Variants in KCNK3 observed in about 807,000 individuals in gnomAD.
KCNK3 encodes the protein potassium channel subfamily K member 3.
KCNK3 carries 9 observed loss-of-function variants against 27.3 expected under a neutral mutation model. The ratio of observed to expected loss-of-function variants is 0.33; its 90% confidence interval spans 0.20 to 0.57. KCNK3 has a LOEUF of 0.57. KCNK3 is among the 20% of genes least tolerant of loss of function. The pLI is 0.87. For synonymous variants in KCNK3, 278 were observed against 273.8 expected, an observed-to-expected ratio of 1.02 and a Z score of -0.15; for missense variants, 391 against 577.7, an observed-to-expected ratio of 0.68 and a Z score of 3.31.
intron 1 of KCNK3, among the ~76,000 whole-genome samples, chr2:26,707,099 G>C (rs539964311): frequency 4.9e-4 from 74 of 152,302 alleles, no homozygotes; most frequent in African/African-American, 1.7e-3. Flanking sequence ...CAAGAATAGA[G>C]TTCTGTCAAG....
intron 1 of KCNK3, among the ~76,000 whole-genome samples, chr2:26,715,536 C>T (rs1344926848): frequency 6.6e-6 from 1 of 152,220 alleles, no homozygotes; most frequent in Non-Finnish European, 1.5e-5. Flanking sequence ...TCCCCAAGAT[C>T]CTGGTCTCCT....
chr2:26,706,751 G>C (rs190251167), intron 1 of KCNK3, among the ~76,000 whole-genome samples: 5 of 152,286 alleles, frequency 3.3e-5, no homozygotes, highest in African/African-American at 9.6e-5. Context: ...CTGCTTCCAG[G>C]GGGTGGGCCA....
intron 1 of KCNK3, among the ~76,000 whole-genome samples, chr2:26,706,295 C>G (rs965676049): frequency 6.6e-6 from 1 of 152,124 alleles, no homozygotes; most frequent in Non-Finnish European, 1.5e-5. Context: ...TTTCCCCTCC[C>G]CCCCAGAGGA....
chr2:26,726,291 C>A (rs955545586), intron 1 of KCNK3, among the ~76,000 whole-genome samples: 3 of 152,062 alleles, frequency 2.0e-5, no homozygotes, highest in Non-Finnish European at 4.4e-5. Context: ...CCCTTCCCCC[C>A]AAAGCTAGTG....
intron 1 of KCNK3, among the ~76,000 whole-genome samples, chr2:26,698,732 A>G (rs1411877225): frequency 1.3e-5 from 2 of 151,472 alleles, no homozygotes; most frequent in African/African-American, 4.9e-5. Context: ...CCCACCCCCC[A>G]TCTCCCCGCT....
chr2:26,698,084 G>A (rs1670257778), intron 1 of KCNK3, among the ~76,000 whole-genome samples: 1 of 152,168 alleles, frequency 6.6e-6, no homozygotes, highest in Admixed American at 6.5e-5. Flanking sequence ...TGCCTGCACT[G>A]GTGTTCTCTG....
chr2:26,702,841 C>T (rs924321872), intron 1 of KCNK3, among the ~76,000 whole-genome samples: 1 of 152,044 alleles, frequency 6.6e-6, no homozygotes, highest in African/African-American at 2.4e-5. Context: ...CTGGGTCGGG[C>T]GTGGTGGCTC....
At chr2:26,719,728 G>A (rs540630263) in intron 1 of KCNK3, among the ~76,000 whole-genome samples, 1 of 152,258 alleles carries the variant, frequency 6.6e-6, no homozygotes. Flanking sequence ...TATTTCTCCT[G>A]GCTACATCAC....
intron 1 of KCNK3, among the ~76,000 whole-genome samples, chr2:26,714,170 G>T (rs1408321008): frequency 6.6e-6 from 1 of 151,940 alleles, no homozygotes; most frequent in Non-Finnish European, 1.5e-5. Flanking sequence ...GCCTTGTACT[G>T]GACACTTTAT....
rs540201237 is a variant in KCNK3, at chr2:26,699,523, C to G, written c.283+6365C>G. Among the ~76,000 whole-genome samples the G allele has an allele frequency of 2.6e-5, 4 of 152,352 alleles. No homozygotes were observed. In the South Asian group the frequency reaches 8.3e-4, roughly 32 times the overall value. The stretch of plus-strand genomic sequence containing the variant: ...ATGTAGTGCAAATCACCACTATAAA[C>G]AGCTTTCAGCTGGCTGCACAAACGG... On this transcript the variant is annotated intron_variant, in intron 1 of 1. Coordinates refer to ENST00000302909, the MANE Select transcript of KCNK3 (RefSeq NM_002246.3).
intron 1 of KCNK3, among the ~76,000 whole-genome samples, chr2:26,698,728 C>A (rs1448583222): frequency 6.6e-6 from 1 of 152,158 alleles, no homozygotes; most frequent in Non-Finnish European, 1.5e-5. Context: ...ACTCCCCACC[C>A]CCCATCTCCC....
At position 26,706,298 on chromosome 2, in the gene KCNK3, C is replaced by T. The variant is rs537773957; in HGVS notation, c.283+13140C>T. Among the ~76,000 whole-genome samples the T allele has an allele frequency of 3.7e-4, 57 of 152,244 alleles. No homozygotes were observed. In the East Asian group the frequency reaches 9.3e-3, roughly 25 times the overall value. ...CAGAGAAGGTCGTTTCCCCTCCCCC[C>T]CAGAGGAGGAGCTGGAGAGGGCCTC... On this transcript the variant is annotated intron_variant, in intron 1 of 1. Transcript: ENST00000302909.
intron 1 of KCNK3, among the ~76,000 whole-genome samples, chr2:26,702,268 TGCTGCAG>T (rs1670317467): frequency 1.3e-5 from 2 of 152,212 alleles, no homozygotes; most frequent in African/African-American, 4.8e-5. Flanking sequence ...ACACTCACCC[TGCTGCAG>T]GCTACAGTGT....
At chr2:26,699,212 A>AGAAG (rs1670274825) in intron 1 of KCNK3, among the ~76,000 whole-genome samples, 1 of 105,792 alleles carries the variant, frequency 9.5e-6, no homozygotes, top group South Asian at 2.8e-4. Context: ...AGAGAGAGAA[A>AGAAG]GAAAGAAAGA....
intron 1 of KCNK3, chr2:26,724,541 G>A: frequency 1.0e-6 from 1 of 960,258 alleles, no homozygotes; most frequent in Non-Finnish European, 1.2e-6. Flanking sequence ...TGAGGATTAA[G>A]TTAAAAATAC....
chr2:26,714,326 C>T (rs544966045), intron 1 of KCNK3, among the ~76,000 whole-genome samples: 25 of 150,616 alleles, frequency 1.7e-4, no homozygotes, highest in East Asian at 1.2e-3. Context: ...CAACTGCAGG[C>T]GACACACCCA....
chr2:26,694,273 C>G (rs1203298213), intron 1 of KCNK3, among the ~76,000 whole-genome samples: 1 of 152,204 alleles, frequency 6.6e-6, no homozygotes, highest in Non-Finnish European at 1.5e-5. Flanking sequence ...AACCCACCTT[C>G]CCCCAAAGCC....
intron 1 of KCNK3, among the ~76,000 whole-genome samples, chr2:26,720,873 A>C (rs1409694469): frequency 6.6e-6 from 1 of 152,108 alleles, no homozygotes; most frequent in Non-Finnish European, 1.5e-5. Flanking sequence ...CATTCTGTAC[A>C]TTGGTCCCAC....
intron 1 of KCNK3, among the ~76,000 whole-genome samples, chr2:26,723,987 A>G (rs1186113441): frequency 6.6e-6 from 1 of 152,202 alleles, no homozygotes; most frequent in African/African-American, 2.4e-5. Context: ...GAAGATAGAG[A>G]ACACCTTTTG....
Sources: gnomAD v4.1 joint callset for allele counts (sites outside exome capture counted in the v4.1 genomes callset) on GRCh38, gnomAD v4.1.1 for gene constraint, MANE v1.5 for transcripts, NCBI Gene and HGNC (gene_info 2026-07-23, HGNC 2026-07-21) for gene names.